RBFOX1: variants seen among roughly 807,000 people sequenced by gnomAD.
RBFOX1 encodes RNA binding fox-1 homolog 1, also known as RNA binding protein fox-1 homolog 1.
A neutral mutation model predicts 57.7 loss-of-function variants in RBFOX1; 8 were observed. The ratio of observed to expected loss-of-function variants is 0.14; its 90% confidence interval spans 0.08 to 0.25. The LOEUF (loss-of-function observed/expected upper bound fraction) is 0.25. Ranked by LOEUF, RBFOX1 falls within the 10% of genes least tolerant of loss-of-function variation. The pLI is 1.00. For missense variants in RBFOX1, 611 were observed against 548.5 expected (o/e 1.11, Z -1.14); for synonymous variants, 326 against 222.4 (o/e 1.47, Z -4.15).
intron 4 of RBFOX1, among the ~76,000 whole-genome samples, chr16:5,931,649 C>G (rs2059060497): frequency 2.6e-5 from 4 of 152,150 alleles, no homozygotes; most frequent in Admixed American, 2.0e-4. Flanking sequence ...TCAAACAGGT[C>G]AGGCTGAAGG....
At chr16:5,608,814 A>T (rs7193060) in intron 3 of RBFOX1, among the ~76,000 whole-genome samples, 63,165 of 152,008 alleles carry the variant, frequency 0.42, 14,514 homozygotes, top group East Asian at 0.65. Flanking sequence ...TTTTGAGCCC[A>T]GATCATTGGT....
chr16:7,050,224 C>A (rs960486236), intron 3 of RBFOX1, among the ~76,000 whole-genome samples: 4 of 142,906 alleles, frequency 2.8e-5, no homozygotes, highest in African/African-American at 1.0e-4. Flanking sequence ...TTCTCCCAGT[C>A]TTTTCCTCTT....
intron 2 of RBFOX1, among the ~76,000 whole-genome samples, chr16:6,530,718 C>T (rs1201473090): frequency 6.7e-6 from 1 of 149,396 alleles, no homozygotes; most frequent in African/African-American, 2.4e-5. Context: ...AGAGAGAGAG[C>T]TTCTGCAGGG....
At chr16:6,893,660 G>C (rs190961830) in intron 3 of RBFOX1, among the ~76,000 whole-genome samples, 65 of 152,260 alleles carry the variant, frequency 4.3e-4, no homozygotes, top group Non-Finnish European at 7.2e-4. Context: ...GCATTGGCCA[G>C]AGAAGCCCAG....
chr16:7,186,241 T>TATAAACATAAACATATTTATATAAAC (rs1235461496), intron 4 of RBFOX1, among the ~76,000 whole-genome samples: 1,616 of 127,094 alleles, frequency 0.013, 49 homozygotes, highest in African/African-American at 0.025. Context: ...AACATATTTA[T>TATAAACATAAACATATTTATATAAAC]ATAAACATAA....
At chr16:7,412,993 G>C (rs35189561) in intron 4 of RBFOX1, among the ~76,000 whole-genome samples, 34,136 of 152,058 alleles carry the variant, frequency 0.22, 4,856 homozygotes, top group Middle Eastern at 0.39. Context: ...AGTGAGCCAA[G>C]ATCACGCCAC....
rs1160383192 is a variant in RBFOX1 at position 6,534,281 on chromosome 16, A to G, written c.-63-120322A>G. On this transcript the variant is annotated intron_variant, in intron 2 of 15. Transcript: ENST00000550418. ...TATGTGTGTGTGTGTGTGTGTGTGC[A>G]TATGCGTATGTGTATAACATACTCA... Among the ~76,000 whole-genome samples the G allele has an allele frequency of 4.0e-5, 6 of 151,736 alleles. No individual in the cohort carries two copies. The South Asian group carries it at 6.3e-4, about 16-fold the overall frequency.
chr16:6,662,934 A>T (rs1304652701), intron 3 of RBFOX1, among the ~76,000 whole-genome samples: 1 of 152,238 alleles, frequency 6.6e-6, no homozygotes, highest in Non-Finnish European at 1.5e-5. Flanking sequence ...AGAAAAGCAC[A>T]TGGATGTGTA....
chr16:7,379,415 A>G (rs2147862415), intron 4 of RBFOX1, among the ~76,000 whole-genome samples: 1 of 152,320 alleles, frequency 6.6e-6, no homozygotes, highest in Admixed American at 6.5e-5. Context: ...CTTGTGTGCA[A>G]TGGAATACTA....
chr16:6,784,418 T>A (rs4786933), intron 3 of RBFOX1, among the ~76,000 whole-genome samples: 150,526 of 152,110 alleles, frequency 0.99, 74,490 homozygotes, highest in East Asian at 1. Flanking sequence ...TGCATTTTTG[T>A]GTTGTTGATT....
Position 7,189,487 on chromosome 16 carries a change from C to G in RBFOX1, c.27+137389C>G, listed in dbSNP as rs577352012. 2.7e-5 allele frequency among the ~76,000 whole-genome samples: 4 copies of G among 148,492 alleles called. No homozygotes were observed. In the South Asian group the frequency reaches 6.5e-4, roughly 24 times the overall value. ...GATAGAATCCTCATAGGGAGACCCA[C>G]ACTGATTCAGGTATTCTCTCCAGTT... On this transcript the variant is annotated intron_variant, in intron 4 of 15. Transcript: ENST00000550418.
intron 1 of RBFOX1, among the ~76,000 whole-genome samples, chr16:6,088,346 G>C (rs559914464): frequency 1.3e-5 from 2 of 152,232 alleles, no homozygotes; most frequent in African/African-American, 4.8e-5. Flanking sequence ...TATTGCCAGA[G>C]AAGTATGATT....
At position 6,253,348 on chromosome 16, in the gene RBFOX1, C is replaced by G. The variant is rs1029234606; in HGVS notation, c.-126-63647C>G. ...GTCACTGACGTTGCACCTACTTTGA[C>G]ACAAGCTGTGGGCTACGCAACTTGC... is the stretch of plus-strand genomic sequence containing the variant. On this transcript the variant is annotated intron_variant, in intron 1 of 15. Transcript: ENST00000550418. Among the ~76,000 whole-genome samples, 30 of 152,270 alleles carry G rather than the reference C, an allele frequency of 2.0e-4. 1 individual carries two copies. Among genetic ancestry groups the G allele is most frequent in the Admixed American group, 1.5e-3 (23 of 15,282 alleles).
intron 1 of RBFOX1, among the ~76,000 whole-genome samples, chr16:5,300,450 C>T (rs1345212865): frequency 6.6e-6 from 1 of 151,994 alleles, no homozygotes; most frequent in East Asian, 1.9e-4. Context: ...TCTCAGAAAC[C>T]ACCACTAATG....
intron 15 of RBFOX1, chr16:7,709,682 G>C: frequency 7.1e-7 from 1 of 1,403,902 alleles, no homozygotes; most frequent in Non-Finnish European, 9.3e-7. Context: ...ACATAAGAAA[G>C]TAGAAGGAAT....
chr16:6,716,232 C>T (rs971251190), intron 3 of RBFOX1, among the ~76,000 whole-genome samples: 2 of 152,166 alleles, frequency 1.3e-5, no homozygotes, highest in African/African-American at 4.8e-5. Flanking sequence ...AATTGCTTCT[C>T]TTAGTATGTA....
At chr16:7,549,817 A>G (rs184981372) in intron 5 of RBFOX1, among the ~76,000 whole-genome samples, 19 of 152,298 alleles carry the variant, frequency 1.2e-4, no homozygotes, top group African/African-American at 2.9e-4. Flanking sequence ...CACTGACTCA[A>G]TGATAATCTT....
chr16:6,872,270 A>G (rs1026175722), intron 3 of RBFOX1, among the ~76,000 whole-genome samples: 3 of 152,160 alleles, frequency 2.0e-5, no homozygotes, highest in Admixed American at 6.5e-5. Flanking sequence ...AAACACATCT[A>G]TCCAGTTGGA....
intron 3 of RBFOX1, among the ~76,000 whole-genome samples, chr16:5,717,213 T>C (rs1567441219): frequency 6.6e-6 from 1 of 152,164 alleles, no homozygotes; most frequent in Non-Finnish European, 1.5e-5. Flanking sequence ...TAATTTCTTA[T>C]TATGGTTGTT....
Sources: allele counts gnomAD v4.1 joint callset (sites outside exome capture counted in the v4.1 genomes callset), GRCh38; gene constraint gnomAD v4.1.1; transcripts MANE v1.5; gene names NCBI Gene and HGNC (gene_info 2026-07-23, HGNC 2026-07-21).